The following GPC6 variants were observed in gnomAD, a reference collection of about 807,000 sequenced individuals.
The protein encoded by GPC6 is glypican-6.
GPC6 carries 14 observed loss-of-function variants against 55.2 expected under a neutral mutation model. The observed-to-expected ratio is 0.25, with a 90% CI of 0.17 to 0.40. The LOEUF (loss-of-function observed/expected upper bound fraction) is 0.40. Ranked by LOEUF, GPC6 falls within the 10% of genes least tolerant of loss-of-function variation. The pLI is 1.00. For synonymous variants in GPC6, 278 were observed against 259.6 expected (o/e 1.07, Z -0.68); for missense variants, 641 against 708.5 (o/e 0.90, Z 1.08).
At chr13:93,988,815 A>G (rs377302037) in intron 3 of GPC6, among the ~76,000 whole-genome samples, 12 of 152,200 alleles carry the variant, frequency 7.9e-5, no homozygotes, top group African/African-American at 2.4e-4. Context: ...CATGTATACA[A>G]TGTGTTAGAA....
intron 4 of GPC6, among the ~76,000 whole-genome samples, chr13:94,152,359 G>A (rs1193569916): frequency 1.3e-5 from 2 of 152,222 alleles, no homozygotes; most frequent in Non-Finnish European, 1.5e-5. Context: ...CATTGCTTGG[G>A]TGATCTTGGG....
chr13:94,034,550 A>G (rs1883267527), intron 4 of GPC6, among the ~76,000 whole-genome samples: 2 of 152,128 alleles, frequency 1.3e-5, no homozygotes, highest in Admixed American at 1.3e-4. Flanking sequence ...CCCATGGATC[A>G]AAGGAGGCAA....
chr13:93,818,441 C>G (rs1886936757), intron 2 of GPC6: 1 of 152,032 alleles, frequency 6.6e-6, no homozygotes, highest in Non-Finnish European at 1.5e-5. Flanking sequence ...TTTTTGTTGT[C>G]TATGTTATGT....
chr13:94,074,838 T>C (rs185948581), intron 4 of GPC6, among the ~76,000 whole-genome samples: 4 of 152,348 alleles, frequency 2.6e-5, no homozygotes, highest in Non-Finnish European at 4.4e-5. Context: ...CTTAGTTAAA[T>C]GTTGATTAGA....
chr13:93,260,962 A>C (rs887070018), intron 1 of GPC6, among the ~76,000 whole-genome samples: 1 of 152,136 alleles, frequency 6.6e-6, no homozygotes, highest in Non-Finnish European at 1.5e-5. Flanking sequence ...GTGGGAATAC[A>C]TGATTATGTT....
intron 5 of GPC6, among the ~76,000 whole-genome samples, chr13:94,303,833 A>G (rs1875797824): frequency 6.6e-6 from 1 of 152,004 alleles, no homozygotes; most frequent in African/African-American, 2.4e-5. Flanking sequence ...ATCTCCCTAG[A>G]ACACTAATAT....
intron 4 of GPC6, among the ~76,000 whole-genome samples, chr13:94,039,492 T>A (rs1883456518): frequency 4.0e-5 from 6 of 151,766 alleles, no homozygotes; most frequent in Admixed American, 3.9e-4. Context: ...ATACATCAGA[T>A]ATGACTGAGA....
chr13:93,903,774 G>C (rs1483250732), intron 3 of GPC6, among the ~76,000 whole-genome samples: 1 of 151,972 alleles, frequency 6.6e-6, no homozygotes, highest in Non-Finnish European at 1.5e-5. Flanking sequence ...ATGCCGTCTA[G>C]TCTCCCCACC....
intron 2 of GPC6, among the ~76,000 whole-genome samples, chr13:93,772,345 T>C (rs1349687676): frequency 1.3e-5 from 2 of 152,056 alleles, no homozygotes; most frequent in East Asian, 1.9e-4. Flanking sequence ...ACAATAGACC[T>C]AAGTGTGCTC....
chr13:94,317,600 G>C (rs1300132656), intron 6 of GPC6, among the ~76,000 whole-genome samples: 1 of 152,148 alleles, frequency 6.6e-6, no homozygotes, highest in East Asian at 1.9e-4. Context: ...GGAACAAGAA[G>C]TATTTCATTA....
chr13:93,222,578 A>G (rs1350538093), upstream of GPC6, among the ~76,000 whole-genome samples: 1 of 151,730 alleles, frequency 6.6e-6, no homozygotes, highest in African/African-American at 2.4e-5. Flanking sequence ...AAGTACCATT[A>G]TCTCCATCTC....
intron 1 of GPC6, among the ~76,000 whole-genome samples, chr13:93,251,892 A>T (rs918288990): frequency 3.9e-5 from 6 of 152,212 alleles, no homozygotes; most frequent in African/African-American, 1.4e-4. Context: ...ATCTTTAAAA[A>T]CATTTACTTT....
intron 1 of GPC6, among the ~76,000 whole-genome samples, chr13:93,453,974 G>C (rs990336491): frequency 6.6e-6 from 1 of 152,160 alleles, no homozygotes; most frequent in African/African-American, 2.4e-5. Flanking sequence ...GTAGAGCGGA[G>C]TGGTCTGTTT....
At chr13:94,373,147 A>C (rs1385159098) in intron 6 of GPC6, among the ~76,000 whole-genome samples, 4 of 152,342 alleles carry the variant, frequency 2.6e-5, no homozygotes, top group Admixed American at 6.5e-5. Context: ...AACTCTAAAA[A>C]GCAGAGCGCC....
At chr13:93,449,923 C>T (rs983660258) in intron 1 of GPC6, among the ~76,000 whole-genome samples, 2 of 143,902 alleles carry the variant, frequency 1.4e-5, no homozygotes, top group Admixed American at 7.0e-5. Context: ...TCATGTTCCA[C>T]TCTTTTTTTT....
In GPC6 at chr13:93,271,139, A is replaced by G. The variant is rs140863518; in HGVS notation, c.160+43523A>G. ...ATTCCTCCTTCCCTAGGTAGAATTG[A>G]CTGACAGAGCAGGAGAGAGGCCTGG... On this transcript the variant is annotated intron_variant, in intron 1 of 8. Coordinates refer to ENST00000377047, the MANE Select transcript of GPC6 (RefSeq NM_005708.5). 3.1e-3 allele frequency among the ~76,000 whole-genome samples: 472 copies of G among 152,298 alleles called. 1 individual carries two copies. The highest frequency in any genetic ancestry group is 0.01 in the African/African-American group (420 of 41,562).
At chr13:93,484,855 C>T (rs1879642656) in intron 1 of GPC6, among the ~76,000 whole-genome samples, 1 of 152,106 alleles carries the variant, frequency 6.6e-6, no homozygotes, top group Non-Finnish European at 1.5e-5. Context: ...TTTTAAAGCA[C>T]TCATCAATAT....
chr13:94,263,083 T>G (rs1891701101), intron 4 of GPC6, among the ~76,000 whole-genome samples: 1 of 152,258 alleles, frequency 6.6e-6, no homozygotes, highest in Non-Finnish European at 1.5e-5. Flanking sequence ...TTGTCTCATT[T>G]AACCTTCTCA....
chr13:94,109,717 T>G (rs1886175006), intron 4 of GPC6, among the ~76,000 whole-genome samples: 1 of 152,132 alleles, frequency 6.6e-6, no homozygotes, highest in African/African-American at 2.4e-5. Flanking sequence ...TCATCATAAT[T>G]CTAATAGAAT....
Sources: gnomAD v4.1 joint callset for allele counts (sites outside exome capture counted in the v4.1 genomes callset) on GRCh38, gnomAD v4.1.1 for gene constraint, MANE v1.5 for transcripts, NCBI Gene and HGNC (gene_info 2026-07-23, HGNC 2026-07-21) for gene names.